The following ASIC2 variants were observed in gnomAD, a reference collection of about 807,000 sequenced individuals.
ASIC2 encodes acid sensing ion channel subunit 2.
In ASIC2, 25 loss-of-function variants were observed where a neutral mutation model predicts 57.3. The ratio of observed to expected loss-of-function variants is 0.44; its 90% confidence interval spans 0.32 to 0.61. The LOEUF (loss-of-function observed/expected upper bound fraction) is 0.61. Ranked by LOEUF, ASIC2 falls within the 20% of genes least tolerant of loss-of-function variation. ASIC2 has a pLI of 0.06. For missense variants in ASIC2, 641 were observed against 738.1 expected (o/e 0.87, Z 1.52); for synonymous variants, 319 against 307.5 (o/e 1.04, Z -0.39).
chr17:33,833,248 T>C (rs1913168987), intron 1 of ASIC2, among the ~76,000 whole-genome samples: 1 of 152,112 alleles, frequency 6.6e-6, no homozygotes, highest in Admixed American at 6.5e-5. Flanking sequence ...CAAGGGCCAA[T>C]GTTATGTCTG....
At chr17:33,044,475 C>G (rs4794935) in intron 3 of ASIC2, among the ~76,000 whole-genome samples, 1 of 152,014 alleles carries the variant, frequency 6.6e-6, no homozygotes, top group East Asian at 1.9e-4. Flanking sequence ...TGGCTTCAAG[C>G]GATTCTCCTG....
intron 1 of ASIC2, among the ~76,000 whole-genome samples, chr17:33,269,758 C>CCTTCCTTCCTTCCTTCCTTCCTTT (rs1489089544): frequency 4.1e-5 from 6 of 146,858 alleles, no homozygotes; most frequent in Non-Finnish European, 7.5e-5. Context: ...TTCTTTCCTT[C>CCTTCCTTCCTTCCTTCCTTCCTTT]CTTCCTTCCT....
intron 2 of ASIC2, among the ~76,000 whole-genome samples, chr17:33,094,661 G>T (rs767739261): frequency 1.3e-5 from 2 of 152,136 alleles, no homozygotes; most frequent in Non-Finnish European, 2.9e-5. Context: ...AAGTGCATAG[G>T]GATGGAGACC....
chr17:33,262,244 C>T (rs1173785768), intron 1 of ASIC2, among the ~76,000 whole-genome samples: 2 of 152,090 alleles, frequency 1.3e-5, no homozygotes, highest in Non-Finnish European at 2.9e-5. Context: ...TCCATACCCC[C>T]AAGGATCTCT....
chr17:33,678,208 C>T (rs1907887211), intron 1 of ASIC2, among the ~76,000 whole-genome samples: 1 of 152,098 alleles, frequency 6.6e-6, no homozygotes, highest in Non-Finnish European at 1.5e-5. Context: ...TTTTTTTAGA[C>T]ATACTGCTAT....
intron 1 of ASIC2, among the ~76,000 whole-genome samples, chr17:33,912,053 C>T (rs570749484): frequency 1.6e-3 from 229 of 143,680 alleles, no homozygotes; most frequent in Non-Finnish European, 2.9e-3. Context: ...AGCAGGAGAA[C>T]TGCTTGAACC....
At chr17:33,852,316 G>A (rs759914892) in intron 1 of ASIC2, among the ~76,000 whole-genome samples, 1 of 152,126 alleles carries the variant, frequency 6.6e-6, no homozygotes, top group Non-Finnish European at 1.5e-5. Flanking sequence ...TTTCTTTGTG[G>A]CAGGCATGCA....
chr17:33,740,896 T>C (rs2142097744), intron 1 of ASIC2, among the ~76,000 whole-genome samples: 1 of 152,294 alleles, frequency 6.6e-6, no homozygotes, highest in South Asian at 2.1e-4. Flanking sequence ...ATAGCTGCTA[T>C]TGTCCCTTCA....
intron 1 of ASIC2, among the ~76,000 whole-genome samples, chr17:33,306,205 A>T (rs1434075444): frequency 6.6e-6 from 1 of 152,196 alleles, no homozygotes; most frequent in Non-Finnish European, 1.5e-5. Context: ...TATCAGAAAC[A>T]TTTTAGGGTT....
intron 1 of ASIC2, among the ~76,000 whole-genome samples, chr17:33,715,172 A>C (rs1909178361): frequency 1.3e-5 from 2 of 150,844 alleles, no homozygotes; most frequent in African/African-American, 4.9e-5. Context: ...ACTAATTTTA[A>C]ATTTTTTTTA....
At chr17:33,890,886 A>G (rs7214275) in intron 1 of ASIC2, among the ~76,000 whole-genome samples, 26,204 of 139,690 alleles carry the variant, frequency 0.19, 2,417 homozygotes, top group African/African-American at 0.27. Flanking sequence ...AGCACTCTGC[A>G]GGCTGGAGAA....
chr17:33,631,488 T>C (rs1159912148), intron 1 of ASIC2, among the ~76,000 whole-genome samples: 1 of 152,130 alleles, frequency 6.6e-6, no homozygotes, highest in Non-Finnish European at 1.5e-5. Flanking sequence ...GTTTGATGTC[T>C]GCTGGTTCTG....
intron 1 of ASIC2, chr17:33,680,654 G>A (rs3103655): frequency 0.18 from 27,272 of 152,028 alleles, 2,600 homozygotes; most frequent in African/African-American, 0.24. Context: ...CCTGCTGGGC[G>A]CCAAGCAGGA....
chr17:34,095,906 T>G (rs1910530204), intron 1 of ASIC2, among the ~76,000 whole-genome samples: 1 of 151,836 alleles, frequency 6.6e-6, no homozygotes, highest in Admixed American at 6.6e-5. Flanking sequence ...CTTGCCTATA[T>G]TATTTCAATC....
chr17:33,447,391 G>A (rs1912067185), intron 1 of ASIC2, among the ~76,000 whole-genome samples: 1 of 152,196 alleles, frequency 6.6e-6, no homozygotes, highest in Non-Finnish European at 1.5e-5. Flanking sequence ...GTGTTCTTAT[G>A]AGGATAATTG....
intron 1 of ASIC2, among the ~76,000 whole-genome samples, chr17:33,347,963 A>G (rs759942248): frequency 6.6e-6 from 1 of 152,142 alleles, no homozygotes; most frequent in African/African-American, 2.4e-5. Context: ...TTAGCCAGGC[A>G]TGGTGGTGCA....
At chr17:33,536,757 A>G (rs963161707) in intron 1 of ASIC2, among the ~76,000 whole-genome samples, 2 of 152,204 alleles carry the variant, frequency 1.3e-5, no homozygotes, top group South Asian at 4.1e-4. Context: ...CTGTAATCCC[A>G]GCACTTTGGG....
At chr17:33,994,578 C>A (rs1026329892) in intron 1 of ASIC2, among the ~76,000 whole-genome samples, 2 of 152,142 alleles carry the variant, frequency 1.3e-5, no homozygotes, top group Non-Finnish European at 2.9e-5. Context: ...TGCTAGCAGG[C>A]CTGTATTTTT....
intron 1 of ASIC2, among the ~76,000 whole-genome samples, chr17:33,939,300 A>G (rs2141977397): frequency 6.6e-6 from 1 of 152,366 alleles, no homozygotes; most frequent in South Asian, 2.1e-4. Flanking sequence ...AAAACGAATC[A>G]GAGAGGTCAA....
Sources: gnomAD v4.1 joint callset for allele counts (sites outside exome capture counted in the v4.1 genomes callset) on GRCh38, gnomAD v4.1.1 for gene constraint, MANE v1.5 for transcripts, NCBI Gene and HGNC (gene_info 2026-07-23, HGNC 2026-07-21) for gene names.